Variants in SLC25A26 observed in about 807,000 individuals in gnomAD.
SLC25A26 encodes solute carrier family 25 member 26.
Under a neutral mutation model 37.8 loss-of-function variants are expected in SLC25A26, and 36 were observed. That is an observed-to-expected ratio of 0.95 (90% CI 0.73 to 1.26). SLC25A26 has a LOEUF of 1.26. Ranked by LOEUF, SLC25A26 falls within the 50% of genes most tolerant of loss-of-function variation. The pLI is 0.00. For missense variants in SLC25A26, 390 were observed against 331.1 expected (o/e 1.18, Z -1.38); for synonymous variants, 129 against 122.5 (o/e 1.05, Z -0.35).
At chr3:66,198,988 A>G (rs1318248103) in intron 1 of SLC25A26, among the ~76,000 whole-genome samples, 1 of 151,342 alleles carries the variant, frequency 6.6e-6, no homozygotes, top group African/African-American at 2.4e-5. Context: ...AACCCTAACC[A>G]TGGCCGTGAC....
intron 3 of SLC25A26, among the ~76,000 whole-genome samples, chr3:66,246,556 T>A (rs952222038): frequency 6.6e-6 from 1 of 152,188 alleles, no homozygotes; most frequent in African/African-American, 2.4e-5. Flanking sequence ...AAATATTATG[T>A]CATAACATTT....
At chr3:66,185,874 T>G (rs1347735917) in intron 1 of SLC25A26, among the ~76,000 whole-genome samples, 6 of 152,138 alleles carry the variant, frequency 3.9e-5, no homozygotes, top group African/African-American at 1.4e-4. Flanking sequence ...TACTTTGATC[T>G]TTTTCAGACC....
At position 66,307,109 on chromosome 3, in the gene SLC25A26, T is replaced by G. The variant is rs1056246759; in HGVS notation, c.454-39255T>G. ...TGTCTTCCATAATGGTTAAACTAAT[T>G]TACACTCCCACCAACAGTGTGAAGG... is the stretch of plus-strand genomic sequence containing the variant. On this transcript the variant is annotated intron_variant, in intron 5 of 9. Coordinates refer to ENST00000354883, the MANE Select transcript of SLC25A26 (RefSeq NM_001379210.1). 2.6e-5 allele frequency among the ~76,000 whole-genome samples: 4 copies of G among 152,348 alleles called. No individual in the cohort carries two copies. The East Asian group carries it at 5.8e-4, about 22-fold the overall frequency.
chr3:66,285,439 G>A (rs899057026), intron 5 of SLC25A26, among the ~76,000 whole-genome samples: 25 of 149,410 alleles, frequency 1.7e-4, no homozygotes, highest in African/African-American at 4.5e-4. Flanking sequence ...TTCTTATACA[G>A]CTATCAATTC....
chr3:66,277,309 G>A (rs1173956288), intron 5 of SLC25A26, among the ~76,000 whole-genome samples: 2 of 152,048 alleles, frequency 1.3e-5, no homozygotes, highest in Admixed American at 6.6e-5. Context: ...AAAGATAACT[G>A]TAAATATGTA....
At chr3:66,133,799 G>C (rs1323147671) in exon 1 of SLC25A26, 2 of 152,202 alleles carry the variant, frequency 1.3e-5, no homozygotes, top group Non-Finnish European at 2.9e-5. Flanking sequence ...GCAGAGAGAA[G>C]GCGGTTCGAG....
At chr3:66,191,587 A>T (rs2070943077) in intron 1 of SLC25A26, among the ~76,000 whole-genome samples, 1 of 152,028 alleles carries the variant, frequency 6.6e-6, no homozygotes, top group Non-Finnish European at 1.5e-5. Context: ...TGTTCCCCCC[A>T]AATTTGTAAG....
intron 1 of SLC25A26, among the ~76,000 whole-genome samples, chr3:66,156,185 G>C (rs2070280401): frequency 6.6e-6 from 1 of 152,144 alleles, no homozygotes; most frequent in Non-Finnish European, 1.5e-5. Context: ...TCAACAGCAA[G>C]GGCACAGTGC....
At chr3:66,175,827 G>A (rs2070578702) in intron 1 of SLC25A26, among the ~76,000 whole-genome samples, 1 of 152,152 alleles carries the variant, frequency 6.6e-6, no homozygotes. Flanking sequence ...CACACATTAG[G>A]GCGGACTATC....
chr3:66,290,228 G>A (rs771478723), intron 5 of SLC25A26, among the ~76,000 whole-genome samples: 7 of 152,154 alleles, frequency 4.6e-5, no homozygotes, highest in African/African-American at 1.7e-4. Context: ...AGTCGATGGG[G>A]TTTTCCAAAT....
intron 5 of SLC25A26, among the ~76,000 whole-genome samples, chr3:66,326,893 C>T (rs2075852621): frequency 2.0e-5 from 3 of 152,200 alleles, no homozygotes; most frequent in Admixed American, 1.3e-4. Flanking sequence ...CCTCTCCACA[C>T]CTACTTATAG....
chr3:66,360,676 A>C (rs1004982312), intron 6 of SLC25A26, among the ~76,000 whole-genome samples: 3 of 152,210 alleles, frequency 2.0e-5, no homozygotes. Flanking sequence ...AAACATGTGA[A>C]CTACTTAAGG....
intron 1 of SLC25A26, among the ~76,000 whole-genome samples, chr3:66,203,531 A>G (rs2071135856): frequency 6.6e-6 from 1 of 152,230 alleles, no homozygotes. Context: ...AATAAAATAT[A>G]AAAATACCTT....
At chr3:66,213,996 A>T (rs1042469841) in intron 1 of SLC25A26, among the ~76,000 whole-genome samples, 10 of 152,336 alleles carry the variant, frequency 6.6e-5, no homozygotes, top group African/African-American at 2.4e-4. Flanking sequence ...TTCATTAAAA[A>T]TGATCAGTAA....
At chr3:66,333,177 C>T (rs1019571876) in intron 5 of SLC25A26, among the ~76,000 whole-genome samples, 4 of 152,120 alleles carry the variant, frequency 2.6e-5, no homozygotes, top group African/African-American at 9.7e-5. Context: ...ATAACATGAG[C>T]TCTTTTAATC....
At chr3:66,254,732 A>G (rs962929870) in intron 3 of SLC25A26, among the ~76,000 whole-genome samples, 7 of 152,376 alleles carry the variant, frequency 4.6e-5, no homozygotes, top group Admixed American at 1.3e-4. Flanking sequence ...AGCAACTTCT[A>G]TGATCTCAGA....
intron 5 of SLC25A26, among the ~76,000 whole-genome samples, chr3:66,314,129 G>T (rs1353118981): frequency 6.6e-6 from 1 of 152,046 alleles, no homozygotes; most frequent in Non-Finnish European, 1.5e-5. Context: ...TTGCCTGATT[G>T]TCCTGGCCAG....
chr3:66,300,402 T>C (rs1559674329), intron 5 of SLC25A26, among the ~76,000 whole-genome samples: 1 of 152,174 alleles, frequency 6.6e-6, no homozygotes, highest in Non-Finnish European at 1.5e-5. Context: ...ATTTGAACTT[T>C]ATTCTTTTCC....
intron 1 of SLC25A26, among the ~76,000 whole-genome samples, chr3:66,172,229 G>A (rs2070509535): frequency 2.0e-5 from 3 of 151,792 alleles, no homozygotes; most frequent in Non-Finnish European, 4.4e-5. Context: ...TGAGCAACAC[G>A]GCAAAACCCT....
Sources: allele counts gnomAD v4.1 joint callset (sites outside exome capture counted in the v4.1 genomes callset), GRCh38; gene constraint gnomAD v4.1.1; transcripts MANE v1.5; gene names NCBI Gene and HGNC (gene_info 2026-07-23, HGNC 2026-07-21).